FGFR1: variants seen among roughly 807,000 people sequenced by gnomAD.
FGFR1 encodes fibroblast growth factor receptor 1, also known as FGFR1/PLAG1 fusion.
In FGFR1, 18 loss-of-function variants were observed where a neutral mutation model predicts 93.7. The observed-to-expected ratio is 0.19, with a 90% CI of 0.13 to 0.28. The LOEUF is 0.28. Ranked by LOEUF, FGFR1 falls within the 10% of genes least tolerant of loss-of-function variation. The pLI is 1.00. For synonymous variants in FGFR1, 448 were observed against 429.3 expected, an observed-to-expected ratio of 1.04 and a Z score of -0.54; for missense variants, 731 against 1,080.4, an observed-to-expected ratio of 0.68 and a Z score of 4.53.
At chr8:38,452,180 G>A (rs1403620725) in intron 2 of FGFR1, among the ~76,000 whole-genome samples, 1 of 139,094 alleles carries the variant, frequency 7.2e-6, no homozygotes. Context: ...AGGGGCTCCC[G>A]ACAGACACAC....
At position 38,424,272 on chromosome 8, in the gene FGFR1, C is replaced by A; in HGVS notation, c.936+237G>T. 1 of 686,068 alleles carries A rather than the reference C, an allele frequency of 1.5e-6. No homozygotes were observed. 42.5% of individuals were successfully genotyped at this position (686,068 alleles called of 1,614,324 possible). A position where few individuals can be genotyped will look rare whatever the true frequency, so the allele number is the denominator to read the frequency against. On this transcript the variant is annotated intron_variant, in intron 7 of 17. Coordinates refer to ENST00000447712, the MANE Select transcript of FGFR1 (RefSeq NM_023110.3). This position sits in a 1 kb window ranked among gnomAD's most constrained non-coding sequence, Gnocchi z 4.3. ...GTGACGTTGCTCTCAAAGCTTATTA[C>A]AGACCAGCACCACCCATCCCTGCAG...
In FGFR1 at chr8:38,462,187, A is replaced by G. The variant is rs180845886; in HGVS notation, c.-88-4653T>C. Among the ~76,000 whole-genome samples the G allele has an allele frequency of 3.6e-4, 55 of 152,344 alleles. No homozygotes were observed. The East Asian group carries it at 0.01, about 29-fold the overall frequency. On this transcript the variant is annotated intron_variant, in intron 1 of 17. Coordinates refer to ENST00000447712, the MANE Select transcript of FGFR1 (RefSeq NM_023110.3). ...TTTGGAAATATAGTTACATTAAATA[A>G]AATCTAAACAAACAAGTTAATTAAA...
At chr8:38,452,664 A>G (rs1029500147) in intron 2 of FGFR1, among the ~76,000 whole-genome samples, 6 of 150,994 alleles carry the variant, frequency 4.0e-5, no homozygotes, top group African/African-American at 9.7e-5. Flanking sequence ...TGCTCGCCCT[A>G]TGATTTTTTT....
rs182781841 is a variant in FGFR1, at chr8:38,424,130, C to T, written c.936+379G>A. The T allele has an allele frequency of 1.4e-4, 54 of 377,334 alleles. 1 individual carries two copies. Among genetic ancestry groups the T allele is most frequent in the South Asian group, 1.0e-3 (44 of 42,336 alleles). The allele number at this position is 377,334 out of a possible 1,614,324, so 23.4% of individuals were successfully genotyped here. A position where few individuals can be genotyped will look rare whatever the true frequency, so the allele number is the denominator to read the frequency against. On this transcript the variant is annotated intron_variant, in intron 7 of 17. Transcript: ENST00000447712. This position sits in a 1 kb window ranked among gnomAD's most constrained non-coding sequence, Gnocchi z 4.3. ...CACCCCATTTGCCAGAAAGATCGTA[C>T]GTAACTCAGGACACAGGGCTAAGAC...
At position 38,411,792 on chromosome 8, in the gene FGFR1, T is replaced by A. The variant is rs542519157; in HGVS notation, c.*1836A>T. ...AAAAAACCAAAAACATTCGGAGAAT[T>A]TTCCCCCCGTTCCTGAGGGACAGGA... is the stretch of plus-strand genomic sequence containing the variant. On this transcript the variant is annotated 3_prime_UTR_variant, in exon 18 of 18. Transcript: ENST00000447712. 59 of 230,262 alleles carry A rather than the reference T, an allele frequency of 2.6e-4. No individual in the cohort carries two copies. Among genetic ancestry groups the A allele is most frequent in the African/African-American group, 1.3e-3 (57 of 45,150 alleles). The allele number at this position is 230,262 out of a possible 1,614,324, so 14.3% of individuals were successfully genotyped here. A position where few individuals can be genotyped will look rare whatever the true frequency, so the allele number is the denominator to read the frequency against.
chr8:38,414,586 T>A lies in FGFR1; in HGVS notation c.2021A>T (p.Asp674Val), dbSNP rs2150550035. The A allele has an allele frequency of 6.9e-7, 1 of 1,443,782 alleles. No homozygotes were observed. The highest frequency in any genetic ancestry group is 9.1e-7 in the Non-Finnish European group (1 of 1,096,212). The allele number at this position is 1,443,782 out of a possible 1,614,324, so 89.4% of individuals were successfully genotyped here. A position where few individuals can be genotyped will look rare whatever the true frequency, so the allele number is the denominator to read the frequency against. Reference sequence around the variant, plus strand: ...ATCACTCTGGTGGGTGTAGATCCGGTCAAATAATGCCTCGGGTGCCATCCA... The same window carrying A: ...ATCACTCTGGTGGGTGTAGATCCGGACAAATAATGCCTCGGGTGCCATCCA... ...VKWMAPEALF[D>V]RIYTHQSDVW... Residue 674 changes from aspartate to valine, a missense_variant, in exon 15 of 18, where the codon GAC becomes GTC. Around this residue, in one of 10 missense-constraint regions of FGFR1, gnomAD observed 44 missense variants for 99.9 expected, o/e 0.44. Transcript: ENST00000447712.
intron 2 of FGFR1, 80 bp downstream of exon 2, chr8:38,457,276 C>T (rs2151336608): frequency 6.6e-7 from 1 of 1,506,450 alleles, no homozygotes; most frequent in Non-Finnish European, 9.1e-7. Flanking sequence ...ACCACATCAC[C>T]TGCAACCATA....
intron 7 of FGFR1, chr8:38,422,935 G>A: frequency 1.4e-6 from 1 of 714,014 alleles, no homozygotes; most frequent in Non-Finnish European, 2.6e-6. Flanking sequence ...GGGTGGCAAG[G>A]ACAGTCCAGT....
At chr8:38,454,885 C>G (rs918324812) in intron 2 of FGFR1, among the ~76,000 whole-genome samples, 6 of 151,704 alleles carry the variant, frequency 4.0e-5, no homozygotes, top group South Asian at 2.1e-4. Context: ...GCCAAATTAA[C>G]TTTCTGAAAG....
rs755132929 is a variant in FGFR1 at position 38,457,456 on chromosome 8, G to A, written c.-10C>T. On this transcript the variant is annotated 5_prime_UTR_variant, in exon 2 of 18. Transcript: ENST00000447712. The stretch of plus-strand genomic sequence containing the variant: ...ACTTCCAGCTCCACATCCCAGTTCT[G>A]CAGTTAGAGGTTGGTGACAAGGCTC... 10 of 1,614,002 alleles carry A rather than the reference G, an allele frequency of 6.2e-6. No homozygotes were observed. The South Asian group carries it at 7.7e-5, about 12-fold the overall frequency.
At chr8:38,461,151 C>T (rs968115021) in intron 1 of FGFR1, 2 of 1,535,784 alleles carry the variant, frequency 1.3e-6, no homozygotes, top group Non-Finnish European at 1.7e-6. Context: ...GGTGAAAGTG[C>T]CTGCTGTCTT....
intron 1 of FGFR1, among the ~76,000 whole-genome samples, chr8:38,459,622 G>A (rs1833869949): frequency 6.6e-6 from 1 of 152,058 alleles, no homozygotes; most frequent in African/African-American, 2.4e-5. Flanking sequence ...AAACTTATGG[G>A]GGATAAGTTT....
intron 1 of FGFR1, chr8:38,461,154 G>T (rs1834308124): frequency 6.5e-7 from 1 of 1,535,774 alleles, no homozygotes; most frequent in Non-Finnish European, 8.7e-7. Context: ...GAAAGTGCCT[G>T]CTGTCTTCTC....
chr8:38,414,060 A>G, intron 16 of FGFR1, 37 bp from the exon 17 acceptor site: 1 of 1,613,722 alleles, frequency 6.2e-7, no homozygotes, highest in South Asian at 1.1e-5. Context: ...CGTCTCCTGG[A>G]GATGGATACT....
At chr8:38,456,828 C>T (rs367686707) in intron 2 of FGFR1, among the ~76,000 whole-genome samples, 4 of 152,250 alleles carry the variant, frequency 2.6e-5, no homozygotes, top group African/African-American at 9.6e-5. Context: ...GCCTTAGCCT[C>T]CCAGAGTGCT....
At chr8:38,436,391 A>C (rs1825430707) in intron 2 of FGFR1, among the ~76,000 whole-genome samples, 1 of 151,916 alleles carries the variant, frequency 6.6e-6, no homozygotes, top group Non-Finnish European at 1.5e-5. Flanking sequence ...AAAAAAGTGC[A>C]TTGTGAAAAA....
At chr8:38,425,751 A>G (rs1245244149) in intron 6 of FGFR1, among the ~76,000 whole-genome samples, 1 of 152,160 alleles carries the variant, frequency 6.6e-6, no homozygotes, top group Non-Finnish European at 1.5e-5. Flanking sequence ...CCCACCTTGC[A>G]GGTGTGCCAT....
intron 1 of FGFR1, chr8:38,466,582 G>C (rs1586825191): frequency 1.7e-5 from 4 of 230,372 alleles, no homozygotes; most frequent in Non-Finnish European, 3.4e-5. Context: ...AAATAACTCG[G>C]GATCCAAGGG....
At chr8:38,439,033 T>C (rs556917427) in intron 2 of FGFR1, among the ~76,000 whole-genome samples, 2 of 152,288 alleles carry the variant, frequency 1.3e-5, no homozygotes, top group South Asian at 2.1e-4. Context: ...TTCATTGTGA[T>C]TGTGGCAGAC....
Sources: allele counts gnomAD v4.1 joint callset (sites outside exome capture counted in the v4.1 genomes callset), GRCh38; gene constraint gnomAD v4.1.1; regional missense constraint gnomAD v4.1.1; non-coding constraint Gnocchi (gnomAD v3.1); transcripts MANE v1.5; gene names NCBI Gene and HGNC (gene_info 2026-07-23, HGNC 2026-07-21).